MYNN: variants seen among roughly 807,000 people sequenced by gnomAD.
MYNN encodes zinc finger and BTB domain-containing protein 31.
In MYNN, 22 loss-of-function variants were observed where a neutral mutation model predicts 57.2. The ratio of observed to expected loss-of-function variants is 0.38; its 90% CI spans 0.27 to 0.55. The LOEUF (loss-of-function observed/expected upper bound fraction) is 0.55. Ranked by LOEUF, MYNN falls within the 20% of genes least tolerant of loss-of-function variation. MYNN has a pLI of 0.71. For missense variants in MYNN, 566 were observed against 723.1 expected, an observed-to-expected ratio of 0.78 and a Z score of 2.49; for synonymous variants, 241 against 257.1, an observed-to-expected ratio of 0.94 and a Z score of 0.60.
chr3:169,779,186 A>G lies in MYNN; in HGVS notation c.685A>G (p.Ile229Val). 1 of 1,614,240 alleles carries G rather than the reference A, an allele frequency of 6.2e-7. No individual in the cohort carries two copies. Among genetic ancestry groups the G allele is most frequent in the Non-Finnish European group, 8.5e-7 (1 of 1,180,040 alleles). Residue 229 changes from isoleucine (I) to valine (V), a missense_variant, in exon 3 of 8, where the codon ATA becomes GTA. By Grantham distance (29) the Ile-to-Val change is conservative (BLOSUM62 3). Transcript: ENST00000349841. Reference protein sequence around the residue: ...PTPVVEQVAQINDNSELELTS... With the variant: ...PTPVVEQVAQVNDNSELELTS... ...ACCTGTAGTAGAACAAGTTGCACAA[A>G]TAAATGATAATTCAGAACTCGAGTT...
At position 169,787,983 on chromosome 3, in the gene MYNN, C is replaced by T. The variant is rs1778720035; in HGVS notation, c.*1305C>T. On this transcript the variant is annotated 3_prime_UTR_variant, in exon 8 of 8. Transcript: ENST00000349841. ...TTCTTTTTCTTTTTTTTTCCCCCCA[C>T]AAGGCTGTTGTTCAGTGTGAGATGA... 1 of 151,946 alleles carries T rather than the reference C, an allele frequency of 6.6e-6. No homozygotes were observed. Among genetic ancestry groups the T allele is most frequent in the African/African-American group, 2.4e-5 (1 of 41,392 alleles). The allele number at this position is 151,946 out of a possible 1,614,324, so 9.4% of individuals were successfully genotyped here.
chr3:169,781,303 G>A (rs1778508966), intron 4 of MYNN, among the ~76,000 whole-genome samples: 1 of 152,188 alleles, frequency 6.6e-6, no homozygotes, highest in African/African-American at 2.4e-5. Context: ...AAGTGGAAGT[G>A]CAGGAATTTA....
rs146411700 is a variant in MYNN, at chr3:169,778,822, G to A, written c.321G>A (p.Val107=). The A allele has an allele frequency of 1.7e-5, 28 of 1,611,982 alleles. No individual in the cohort carries two copies. The highest frequency in any genetic ancestry group is 2.4e-5 in the Non-Finnish European group (28 of 1,179,328). ...CTGACTATCTCAAAGTGGAAGAGGT[G>A]GTCACTAAATGCAAAATAAAGATGG... ...QAADYLKVEE[V]VTKCKIKMED... The change falls in exon 3 of 8, where the codon GTG becomes GTA. Residue 107 remains valine (V), a synonymous_variant. Coordinates refer to ENST00000349841, the MANE Select transcript of MYNN (RefSeq NM_018657.5).
At position 169,782,648 on chromosome 3, in the gene MYNN, G is replaced by T. The variant is rs1304856027; in HGVS notation, c.1399+5G>T. On this transcript the variant is annotated splice_donor_5th_base_variant and intron_variant, in intron 5 of 7. Coordinates refer to ENST00000349841, the MANE Select transcript of MYNN (RefSeq NM_018657.5). This position sits in a 1 kb window ranked among gnomAD's most constrained non-coding sequence, Gnocchi z 4.8. ...CTCATTCTCGAAAACATACAGGTAAGTTTGACAGGGAGAGACTGCTTAAAA... is the reference window on the plus strand; with the variant it reads ...CTCATTCTCGAAAACATACAGGTAATTTTGACAGGGAGAGACTGCTTAAAA... 1 of 1,612,382 alleles carries T rather than the reference G, an allele frequency of 6.2e-7. No homozygotes were observed. The highest frequency in any genetic ancestry group is 1.3e-5 in the African/African-American group (1 of 74,872).
intron 1 of MYNN, chr3:169,774,056 T>C (rs752302853): frequency 4.4e-6 from 2 of 452,608 alleles, no homozygotes; most frequent in Non-Finnish European, 3.9e-6. Flanking sequence ...CCATTCACCG[T>C]CACTTATTGA....
rs1442112572 is a variant in MYNN, at chr3:169,786,453, T to C, written c.1608T>C (p.His536=). Residue 536 remains histidine (H), a synonymous_variant, in exon 8 of 8, where the codon CAT becomes CAC. Coordinates refer to ENST00000349841, the MANE Select transcript of MYNN (RefSeq NM_018657.5). ...CTCTAGACTCCAGTGCAGAGGATCA[T>C]ACTTTGAGTGAACAGGATTCCATAC... The part of the protein sequence containing the change: ...DKTLDSSAED[H]TLSEQDSIQK... 6.2e-7 allele frequency: 1 copy of C among 1,613,554 alleles called. No homozygotes were observed.
intron 6 of MYNN, 34 bp downstream of exon 6, chr3:169,783,594 T>G (rs753988632): frequency 1.4e-6 from 2 of 1,447,496 alleles, no homozygotes; most frequent in Non-Finnish European, 1.9e-6. Context: ...TATTTTTTGT[T>G]CTCTCTTAAT....
Position 169,780,574 on chromosome 3 carries a change from T to C in MYNN, c.1061-16T>C. On this transcript the variant is annotated splice_polypyrimidine_tract_variant and intron_variant, in intron 3 of 7. Coordinates refer to ENST00000349841, the MANE Select transcript of MYNN (RefSeq NM_018657.5). The stretch of plus-strand genomic sequence containing the variant: ...ACACTATTTTCTTCTAAATATAAAT[T>C]TTATTGTTCCTTTAGGTGAGAAGCC... 1 of 1,567,804 alleles carries C rather than the reference T, an allele frequency of 6.4e-7. No homozygotes were observed. The highest frequency in any genetic ancestry group is 1.2e-5 in the South Asian group (1 of 83,978).
chr3:169,784,912 TA>T (rs11456214), intron 7 of MYNN, among the ~76,000 whole-genome samples: 5,518 of 134,632 alleles, frequency 0.041, 300 homozygotes, highest in African/African-American at 0.14. Context: ...ATCTCTTATT[TA>T]AAAAAAAAAA....
intron 7 of MYNN, 63 bp downstream of exon 7, chr3:169,784,771 T>C (rs1315674495): frequency 9.8e-7 from 1 of 1,020,606 alleles, no homozygotes; most frequent in Non-Finnish European, 1.5e-6. Context: ...ATTAGTGCTA[T>C]TCCTTAAAAT....
rs1413576783 is a variant in MYNN at position 169,786,502 on chromosome 3, A to G, written c.1657A>G (p.Met553Val). The change falls in exon 8 of 8, where the codon ATG becomes GTG. Residue 553 changes from methionine (M) to valine (V), a missense_variant. Transcript: ENST00000349841. ...ACAAAAAAGTCCTTTATCAGAAACTATGGATGTGAAGCCTTCTGATATGAC... is the reference window on the plus strand; with the variant it reads ...ACAAAAAAGTCCTTTATCAGAAACTGTGGATGTGAAGCCTTCTGATATGAC... ...SIQKSPLSETMDVKPSDMTLP... is the reference protein window; with the variant it reads ...SIQKSPLSETVDVKPSDMTLP... The G allele has an allele frequency of 6.2e-6, 10 of 1,613,594 alleles. No homozygotes were observed. Among genetic ancestry groups the G allele is most frequent in the African/African-American group, 2.7e-5 (2 of 74,922 alleles).
chr3:169,786,520 G>A lies in MYNN; in HGVS notation c.1675G>A (p.Asp559Asn). 6.2e-7 allele frequency: 1 copy of A among 1,613,646 alleles called. No homozygotes were observed. The highest frequency in any genetic ancestry group is 8.5e-7 in the Non-Finnish European group (1 of 1,179,662). The change falls in exon 8 of 8, where the codon GAT becomes AAT. Residue 559 changes from aspartate (D) to asparagine (N), a missense_variant. Asp to Asn is a conservative substitution (Grantham distance 23, BLOSUM62 1). This residue lies in a region of MYNN where 156 missense variants were observed against 163.9 expected (regional missense o/e 0.95). Transcript: ENST00000349841. The stretch of plus-strand genomic sequence containing the variant: ...AGAAACTATGGATGTGAAGCCTTCT[G>A]ATATGACTTTACCATTAGCTCTTCC... ...LSETMDVKPSDMTLPLALPLG... is the reference protein window; with the variant it reads ...LSETMDVKPSNMTLPLALPLG...
rs1348612411 is a variant in MYNN, at chr3:169,788,707, T to A, written c.*2029T>A. Reference sequence around the variant, plus strand: ...TACGATTGAAGTGGCTAAGATTGATTGAGCTTTTCTTGATCACATTTTCTG... The same window carrying A: ...TACGATTGAAGTGGCTAAGATTGATAGAGCTTTTCTTGATCACATTTTCTG... On this transcript the variant is annotated 3_prime_UTR_variant, in exon 8 of 8. Coordinates refer to ENST00000349841, the MANE Select transcript of MYNN (RefSeq NM_018657.5). The A allele has an allele frequency of 6.6e-6, 1 of 152,178 alleles. No homozygotes were observed. Among genetic ancestry groups the A allele is most frequent in the Non-Finnish European group, 1.5e-5 (1 of 68,006 alleles). The allele number at this position is 152,178 out of a possible 1,614,324, so 9.4% of individuals were successfully genotyped here. A position where few individuals can be genotyped will look rare whatever the true frequency, so the allele number is the denominator to read the frequency against.
At chr3:169,785,725 A>G (rs1161957849) in intron 7 of MYNN, among the ~76,000 whole-genome samples, 2 of 152,068 alleles carry the variant, frequency 1.3e-5, no homozygotes. Flanking sequence ...GATAATTACA[A>G]TTTTACGAAA....
chr3:169,785,310 A>G lies in MYNN; in HGVS notation c.1570+602A>G, dbSNP rs193125371. ...TAAATACTTAAACATCGTAAGTATT[A>G]AGTTAGAAACATCTAAAAACTGCAG... On this transcript the variant is annotated intron_variant, in intron 7 of 7. Coordinates refer to ENST00000349841, the MANE Select transcript of MYNN (RefSeq NM_018657.5). Among the ~76,000 whole-genome samples, 22 of 152,006 alleles carry G rather than the reference A, an allele frequency of 1.4e-4. 1 individual carries two copies. The highest frequency in any genetic ancestry group is 2.9e-4 in the Non-Finnish European group (20 of 67,898).
chr3:169,783,875 A>G (rs1490658733), intron 6 of MYNN: 1 of 325,130 alleles, frequency 3.1e-6, no homozygotes, highest in Non-Finnish European at 5.9e-6. Flanking sequence ...CCAAGATAAC[A>G]TCAGATTTTC....
In MYNN at chr3:169,774,793, C is replaced by T. The variant is rs535441416; in HGVS notation, c.266+232C>T. On this transcript the variant is annotated intron_variant, in intron 2 of 7. Transcript: ENST00000349841. ...TTTCTGACACGTTTATTTACTGAAA[C>T]AAAGCCTGTGATTTCACTTATGTAA... 2.6e-5 allele frequency among the ~76,000 whole-genome samples: 4 copies of T among 152,278 alleles called. No homozygotes were observed. The East Asian group carries it at 5.8e-4, about 22-fold the overall frequency.
At position 169,774,118 on chromosome 3, in the gene MYNN, A is replaced by G. The variant is rs1778257527; in HGVS notation, c.-31-147A>G. On this transcript the variant is annotated intron_variant, in intron 1 of 7. Coordinates refer to ENST00000349841, the MANE Select transcript of MYNN (RefSeq NM_018657.5). ...TCAAGGTAACCAAAGATAGAAAGGCACTCATCCCTTCATTCTTAACCATGT... is the reference window on the plus strand; with the variant it reads ...TCAAGGTAACCAAAGATAGAAAGGCGCTCATCCCTTCATTCTTAACCATGT... The G allele has an allele frequency of 4.9e-6, 3 of 613,072 alleles. No homozygotes were observed. The South Asian group carries it at 6.1e-5, about 12-fold the overall frequency. The allele number at this position is 613,072 out of a possible 1,614,324, so 38.0% of individuals were successfully genotyped here.
chr3:169,784,711 A>G lies in MYNN; in HGVS notation c.1570+3A>G. On this transcript the variant is annotated splice_donor_region_variant and intron_variant, in intron 7 of 7. Coordinates refer to ENST00000349841, the MANE Select transcript of MYNN (RefSeq NM_018657.5). ...GCACAAAACAAAAGTCCATTCTGGT[A>G]AATGCTTGTGTTTTGTTTGCTTGTT... The G allele has an allele frequency of 6.5e-7, 1 of 1,546,544 alleles. No individual in the cohort carries two copies. The highest frequency in any genetic ancestry group is 8.8e-7 in the Non-Finnish European group (1 of 1,135,898).
Sources: allele counts gnomAD v4.1 joint callset (sites outside exome capture counted in the v4.1 genomes callset), GRCh38; gene constraint gnomAD v4.1.1; regional missense constraint gnomAD v4.1.1; non-coding constraint Gnocchi (gnomAD v3.1); transcripts MANE v1.5; gene names NCBI Gene and HGNC (gene_info 2026-07-23, HGNC 2026-07-21).